ARHGEF10L: variants seen among roughly 807,000 people sequenced by gnomAD.
ARHGEF10L encodes Rho guanine nucleotide exchange factor 10 like.
In ARHGEF10L, 69 loss-of-function variants were observed where a neutral mutation model predicts 141.2. That is an observed-to-expected ratio of 0.49 (90% CI 0.40 to 0.60). The LOEUF (loss-of-function observed/expected upper bound fraction) is 0.60. Among genes scored for constraint, ARHGEF10L ranks in the 20% least tolerant of loss-of-function variants. The pLI, the probability that ARHGEF10L is intolerant of heterozygous loss-of-function variation, is 0.00. For synonymous variants in ARHGEF10L, 711 were observed against 718.5 expected, an observed-to-expected ratio of 0.99 and a Z score of 0.17; for missense variants, 1,482 against 1,734.3, an observed-to-expected ratio of 0.85 and a Z score of 2.58.
At chr1:17,582,439 C>T (rs1248357387) in intron 2 of ARHGEF10L, among the ~76,000 whole-genome samples, 2 of 152,258 alleles carry the variant, frequency 1.3e-5, no homozygotes, top group African/African-American at 4.8e-5. Flanking sequence ...GCCATTTTCT[C>T]ATTCTCTGAG....
intron 1 of ARHGEF10L, among the ~76,000 whole-genome samples, chr1:17,577,548 C>T (rs1240155012): frequency 6.6e-6 from 1 of 152,220 alleles, no homozygotes; most frequent in Non-Finnish European, 1.5e-5. Context: ...CCACATCCTT[C>T]TGAGACTAAC....
intron 27 of ARHGEF10L, among the ~76,000 whole-genome samples, chr1:17,690,211 G>T (rs2064997501): frequency 1.3e-5 from 2 of 152,180 alleles, no homozygotes; most frequent in African/African-American, 4.8e-5. Context: ...ATAACAAAGG[G>T]CTGAGATTTG....
intron 4 of ARHGEF10L, among the ~76,000 whole-genome samples, chr1:17,600,003 C>G (rs555633667): frequency 1.3e-5 from 2 of 152,358 alleles, no homozygotes; most frequent in East Asian, 3.9e-4. Context: ...CTCGCCACCA[C>G]CACCGCTCTG....
rs56751222 is a variant in ARHGEF10L at position 17,611,533 on chromosome 1, TATCCATCCATCCATCC to T, written c.610-1495_610-1480del. 8.9e-3 allele frequency among the ~76,000 whole-genome samples: 1,348 copies of T among 150,770 alleles called. 13 individuals are homozygous for T. Among genetic ancestry groups the T allele is most frequent in the African/African-American group, 0.028 (1,136 of 40,738 alleles). ...ATCACAGGTGCCTCATCTGTCTGTA[TATCCATCCATCCATCC>T]ATCCATCCATCCATCCATCCATCCA... On this transcript the variant is annotated intron_variant, in intron 7 of 28. Coordinates refer to ENST00000361221, the MANE Select transcript of ARHGEF10L (RefSeq NM_018125.4).
chr1:17,636,256 C>A (rs953287031), intron 18 of ARHGEF10L, among the ~76,000 whole-genome samples: 13 of 152,170 alleles, frequency 8.5e-5, no homozygotes, highest in Non-Finnish European at 1.9e-4. Flanking sequence ...ACCAGAGTCA[C>A]GTACTGCCAG....
chr1:17,653,308 C>G (rs1051064062), intron 22 of ARHGEF10L, among the ~76,000 whole-genome samples: 1 of 152,346 alleles, frequency 6.6e-6, no homozygotes, highest in East Asian at 1.9e-4. Flanking sequence ...GCATAGGGTG[C>G]CTTGACTTCC....
intron 4 of ARHGEF10L, among the ~76,000 whole-genome samples, chr1:17,601,612 AT>A (rs1373489360): frequency 2.6e-5 from 4 of 151,998 alleles, no homozygotes; most frequent in African/African-American, 9.7e-5. Flanking sequence ...CGCCTGGCTA[AT>A]TTTTGTATTT....
At chr1:17,518,953 T>C in the ARHGEF10L span, among the ~76,000 whole-genome samples, 15 of 151,822 alleles carry the variant, frequency 9.9e-5, no homozygotes, top group Non-Finnish European at 1.9e-4. Flanking sequence ...GTGGATCACC[T>C]GAGGCTGGGA....
At chr1:17,666,600 A>G (rs1361625312) in intron 26 of ARHGEF10L, among the ~76,000 whole-genome samples, 1 of 152,022 alleles carries the variant, frequency 6.6e-6, no homozygotes, top group Non-Finnish European at 1.5e-5. Context: ...CACCAACAGG[A>G]GGGAAACTCC....
intron 4 of ARHGEF10L, among the ~76,000 whole-genome samples, chr1:17,596,767 G>A (rs1050020032): frequency 6.6e-6 from 1 of 152,196 alleles, no homozygotes; most frequent in South Asian, 2.1e-4. Flanking sequence ...GGGGCCCGGC[G>A]CGGTGGCTCA....
At chr1:17,691,413 C>T (rs759136955) in intron 27 of ARHGEF10L, among the ~76,000 whole-genome samples, 33 of 152,060 alleles carry the variant, frequency 2.2e-4, no homozygotes, top group African/African-American at 5.1e-4. Flanking sequence ...TCGGTTTTGC[C>T]GTCCAGTGGG....
chr1:17,563,287 C>T (rs537417204), intron 1 of ARHGEF10L, among the ~76,000 whole-genome samples: 15 of 150,740 alleles, frequency 1.0e-4, no homozygotes, highest in South Asian at 4.2e-4. Context: ...CAGGGTGGAG[C>T]GCAGTGGCGC....
chr1:17,683,595 C>G lies in ARHGEF10L; in HGVS notation c.3010-3978C>G, dbSNP rs192129538. ...TGGTGTGAGAAGGGGACCCAGGAGC[C>G]CAGAGGTAGCTGAGACATGCCAGGC... On this transcript the variant is annotated intron_variant, in intron 26 of 28. Coordinates refer to ENST00000361221, the MANE Select transcript of ARHGEF10L (RefSeq NM_018125.4). Among the ~76,000 whole-genome samples, 416 of 152,214 alleles carry G rather than the reference C, an allele frequency of 2.7e-3. 2 individuals carry two copies. The highest frequency in any genetic ancestry group is 6.8e-3 in the Middle Eastern group (2 of 294).
chr1:17,546,953 A>G (rs973137958), intron 1 of ARHGEF10L, among the ~76,000 whole-genome samples: 3 of 152,172 alleles, frequency 2.0e-5, no homozygotes, highest in African/African-American at 7.2e-5. Flanking sequence ...TTTTGCCTCC[A>G]TTGAACTTGC....
intron 1 of ARHGEF10L, among the ~76,000 whole-genome samples, chr1:17,561,331 G>A (rs1376607390): frequency 6.6e-6 from 1 of 152,202 alleles, no homozygotes; most frequent in Non-Finnish European, 1.5e-5. Flanking sequence ...TGGGCAGCTG[G>A]AGATGGGGCA....
In ARHGEF10L at chr1:17,656,036, G is replaced by A. The variant is rs145484283; in HGVS notation, c.2639G>A (p.Ser880Asn). The A allele has an allele frequency of 9.0e-5, 142 of 1,570,944 alleles. No individual in the cohort carries two copies. Among genetic ancestry groups the A allele is most frequent in the Admixed American group, 2.0e-4 (11 of 54,106 alleles). ...LEEEAESRDE[S>N]PTVADPSATV... Reference sequence around the variant, plus strand: ...GAGGAGGCGGAGAGCAGAGACGAGAGCCCGACAGTTGCTGACCCCTCGGCC... The same window carrying A: ...GAGGAGGCGGAGAGCAGAGACGAGAACCCGACAGTTGCTGACCCCTCGGCC... The change falls in exon 24 of 29, where the codon AGC becomes AAC. Residue 880 changes from serine to asparagine, a missense_variant. Coordinates refer to ENST00000361221, the MANE Select transcript of ARHGEF10L (RefSeq NM_018125.4). This position sits in a 1 kb window ranked among gnomAD's most constrained non-coding sequence, Gnocchi z 4.9.
intron 2 of ARHGEF10L, among the ~76,000 whole-genome samples, chr1:17,582,029 TG>T (rs2078614730): frequency 6.6e-6 from 1 of 152,174 alleles, no homozygotes; most frequent in South Asian, 2.1e-4. Flanking sequence ...TGACCAGCTC[TG>T]GCTGTGCCAC....
the ARHGEF10L span, among the ~76,000 whole-genome samples, chr1:17,527,662 C>T: frequency 6.6e-6 from 1 of 151,988 alleles, no homozygotes; most frequent in Non-Finnish European, 1.5e-5. Flanking sequence ...AGTTCATCAC[C>T]CCCAAGACAC....
At chr1:17,596,565 G>A (rs143987167) in intron 4 of ARHGEF10L, among the ~76,000 whole-genome samples, 1,671 of 152,332 alleles carry the variant, frequency 0.011, 27 homozygotes, top group African/African-American at 0.037. Context: ...ATGCTTGTGC[G>A]TGTGGACCAT....
Sources: gnomAD v4.1 joint callset for allele counts (sites outside exome capture counted in the v4.1 genomes callset) on GRCh38, gnomAD v4.1.1 for gene constraint, Gnocchi (gnomAD v3.1) non-coding constraint, MANE v1.5 for transcripts, NCBI Gene and HGNC (gene_info 2026-07-23, HGNC 2026-07-21) for gene names.